The following MARF1 variants were observed in gnomAD, a reference collection of about 807,000 sequenced individuals.
MARF1 encodes limkain-b1.
In MARF1, 24 loss-of-function variants were observed where a neutral mutation model predicts 168.2. The observed-to-expected ratio is 0.14, with a 90% CI of 0.10 to 0.20. The LOEUF (loss-of-function observed/expected upper bound fraction) is 0.20, where lower values mean the gene tolerates loss of function less well. MARF1 is among the 10% of genes least tolerant of loss of function. The pLI is 1.00. For synonymous variants in MARF1, 868 were observed against 822.4 expected, an observed-to-expected ratio of 1.06 and a Z score of -0.95; for missense variants, 1,744 against 2,143.6, an observed-to-expected ratio of 0.81 and a Z score of 3.68.
In MARF1 at chr16:15,595,819, A is replaced by C. The variant is rs2031628036; in HGVS notation, c.*874T>G. On this transcript the variant is annotated 3_prime_UTR_variant, in exon 27 of 27. Transcript: ENST00000396368. ...ACCTCCCCACTCAGCTCTGATTTGT[A>C]ATTTATGCACTTGATGCATATTTTA... The C allele has an allele frequency of 6.6e-6, 1 of 152,212 alleles. No individual in the cohort carries two copies. Among genetic ancestry groups the C allele is most frequent in the Admixed American group, 6.5e-5 (1 of 15,278 alleles). 9.4% of individuals were successfully genotyped at this position (152,212 alleles called of 1,614,324 possible).
At chr16:15,599,542 A>G (rs1017197926) in intron 25 of MARF1, among the ~76,000 whole-genome samples, 3 of 152,196 alleles carry the variant, frequency 2.0e-5, no homozygotes, top group Non-Finnish European at 4.4e-5. Flanking sequence ...CGCTTCATAA[A>G]ACGTCAAATG....
chr16:15,605,887 C>T (rs1250823742), intron 21 of MARF1: 1 of 152,540 alleles, frequency 6.6e-6, no homozygotes, highest in Non-Finnish European at 1.5e-5. Context: ...TCTTCCTATC[C>T]ACCTGAGTCC....
Position 15,639,096 on chromosome 16 carries a change from G to C in MARF1, c.138C>G (p.Pro46=), listed in dbSNP as rs769265657. The change falls in exon 2 of 27, where the codon CCC becomes CCG. Residue 46 remains proline (P), a synonymous_variant. Coordinates refer to ENST00000396368, the MANE Select transcript of MARF1 (RefSeq NM_014647.4). ...TAGTCTTGCATATAGTTACCGTTTG[G>C]GGACTATGTGGCAGCGTCTGCTCAG... is the stretch of plus-strand genomic sequence containing the variant. ...SRPEQTLPHS[P]QTKEYMENKK... The C allele has an allele frequency of 6.2e-7, 1 of 1,613,586 alleles. No homozygotes were observed. The highest frequency in any genetic ancestry group is 8.5e-7 in the Non-Finnish European group (1 of 1,179,826).
chr16:15,610,843 T>G (rs1229187943), intron 19 of MARF1, 132 bp downstream of exon 19: 4 of 856,580 alleles, frequency 4.7e-6, no homozygotes, highest in Admixed American at 4.6e-5. Flanking sequence ...AGAGCAGCAG[T>G]TTTCACACTG....
At chr16:15,624,210 C>T (rs1237644313) in intron 10 of MARF1, among the ~76,000 whole-genome samples, 6 of 152,128 alleles carry the variant, frequency 3.9e-5, no homozygotes, top group Non-Finnish European at 5.9e-5. Context: ...TGAGCCACCA[C>T]GCCCGGCTGA....
At chr16:15,632,173 T>C (rs2035298514) in intron 5 of MARF1, among the ~76,000 whole-genome samples, 1 of 152,192 alleles carries the variant, frequency 6.6e-6, no homozygotes, top group Admixed American at 6.5e-5. Flanking sequence ...ATTTCTTTCA[T>C]CCTCCTTTCA....
At position 15,594,930 on chromosome 16, in the gene MARF1, C is replaced by T. The variant is rs1406840627; in HGVS notation, c.*1763G>A. ...TGTTCCAGGTGACTTGTAATGATAC[C>T]TCTTACGGTTTTAAAGTCCACCACT... On this transcript the variant is annotated 3_prime_UTR_variant, in exon 27 of 27. Coordinates refer to ENST00000396368, the MANE Select transcript of MARF1 (RefSeq NM_014647.4). 1 of 152,570 alleles carries T rather than the reference C, an allele frequency of 6.6e-6. No homozygotes were observed. Among genetic ancestry groups the T allele is most frequent in the African/African-American group, 2.4e-5 (1 of 41,418 alleles). The allele number at this position is 152,570 out of a possible 1,614,324, so 9.5% of individuals were successfully genotyped here.
rs147902956 is a variant in MARF1 at position 15,626,485 on chromosome 16, G to A, written c.1525-685C>T. On this transcript the variant is annotated intron_variant, in intron 7 of 26. Coordinates refer to ENST00000396368, the MANE Select transcript of MARF1 (RefSeq NM_014647.4). ...GCAGGGTCAGTCCTGGTTGGTTTTT[G>A]CATAGGAGAATGCCTGGGAATACTA... Among the ~76,000 whole-genome samples, 13 of 152,272 alleles carry A rather than the reference G, an allele frequency of 8.5e-5. No homozygotes were observed. In the East Asian group the frequency reaches 2.1e-3, roughly 25 times the overall value.
intron 13 of MARF1, among the ~76,000 whole-genome samples, chr16:15,618,378 G>A (rs1271861170): frequency 2.6e-5 from 4 of 152,222 alleles, no homozygotes; most frequent in South Asian, 2.1e-4. Flanking sequence ...TCTCAGTCTC[G>A]TACTCTACCC....
intron 16 of MARF1, among the ~76,000 whole-genome samples, chr16:15,615,314 A>G (rs925866827): frequency 1.3e-5 from 2 of 152,022 alleles, no homozygotes; most frequent in African/African-American, 4.8e-5. Context: ...TGGACAACAC[A>G]GCAAGGCCCT....
rs761767509 is a variant in MARF1 at position 15,604,160 on chromosome 16, G to A, written c.4413+8C>T. 1.0e-5 allele frequency: 16 copies of A among 1,590,668 alleles called. No individual in the cohort carries two copies. Among genetic ancestry groups the A allele is most frequent in the East Asian group, 6.7e-5 (3 of 44,764 alleles). Reference sequence around the variant, plus strand: ...ATGATAGTTCTAAAGAGCCATTAACGTGCCTACCTCAACCAAGTATGGCAG... The same window carrying A: ...ATGATAGTTCTAAAGAGCCATTAACATGCCTACCTCAACCAAGTATGGCAG... On this transcript the variant is annotated splice_region_variant and intron_variant, in intron 22 of 26. Coordinates refer to ENST00000396368, the MANE Select transcript of MARF1 (RefSeq NM_014647.4).
At chr16:15,637,419 A>G (rs757727858) in intron 2 of MARF1, among the ~76,000 whole-genome samples, 9 of 152,256 alleles carry the variant, frequency 5.9e-5, no homozygotes, top group Non-Finnish European at 1.3e-4. Context: ...ACCTGGGAGC[A>G]TAGGCTCATC....
intron 26 of MARF1, among the ~76,000 whole-genome samples, chr16:15,597,311 G>C (rs907785241): frequency 2.0e-5 from 3 of 152,250 alleles, no homozygotes; most frequent in Admixed American, 1.3e-4. Flanking sequence ...TGAGGCGGGA[G>C]GCCGTGGGTG....
rs1213883721 is a variant in MARF1, at chr16:15,615,887, G to C, written c.3196C>G (p.Gln1066Glu). The C allele has an allele frequency of 1.2e-6, 2 of 1,601,930 alleles. No homozygotes were observed. Among genetic ancestry groups the C allele is most frequent in the African/African-American group, 1.3e-5 (1 of 74,412 alleles). The change falls in exon 16 of 27, where the codon CAG becomes GAG. Residue 1066 changes from glutamine (Q) to glutamate (E), a missense_variant. Around this residue, in one of 7 missense-constraint regions of MARF1, gnomAD observed 543 missense variants for 742.1 expected, o/e 0.73. Coordinates refer to ENST00000396368, the MANE Select transcript of MARF1 (RefSeq NM_014647.4). ...CATTTAACCACTTTGATGCCATTCTGAGCAGTGGCAATGTTTACACCTGGA... is the reference window on the plus strand; with the variant it reads ...CATTTAACCACTTTGATGCCATTCTCAGCAGTGGCAATGTTTACACCTGGA... ...CVPGVNIATA[Q>E]NGIKVVKWIH... is the part of the protein sequence containing the mutation.
intron 21 of MARF1, among the ~76,000 whole-genome samples, chr16:15,605,317 T>C (rs994099143): frequency 6.6e-6 from 1 of 152,162 alleles, no homozygotes; most frequent in Non-Finnish European, 1.5e-5. Flanking sequence ...TGGCACTCTT[T>C]GGACCGTGGA....
intron 18 of MARF1, 119 bp downstream of exon 18, chr16:15,611,473 C>T (rs80046597): frequency 2.1e-6 from 1 of 481,106 alleles, no homozygotes; most frequent in Non-Finnish European, 3.4e-6. Flanking sequence ...AAACAAAAAA[C>T]TACTACAAGT....
chr16:15,602,435 C>T (rs59129560), intron 22 of MARF1: 429 of 603,936 alleles, frequency 7.1e-4, no homozygotes, highest in African/African-American at 6.5e-3. Flanking sequence ...ACAAAGACGA[C>T]GAGACAAAAA....
Position 15,609,730 on chromosome 16 carries a change from TA to T in MARF1, c.3752-6del, listed in dbSNP as rs575351525. On this transcript the variant is annotated splice_polypyrimidine_tract_variant and splice_region_variant and intron_variant, in intron 19 of 26. Transcript: ENST00000396368. ...CTATTTCATCCTGAGTGCGTTCTTTTAAAAAAACCAAAAAACATAAAATCAC... is the reference window on the plus strand; with the variant it reads ...CTATTTCATCCTGAGTGCGTTCTTTTAAAAAACCAAAAAACATAAAATCAC... 155 of 1,611,156 alleles carry T rather than the reference TA, an allele frequency of 9.6e-5. No individual in the cohort carries two copies. In the African/African-American group the frequency reaches 1.9e-3, roughly 20 times the overall value.
intron 21 of MARF1, among the ~76,000 whole-genome samples, chr16:15,607,836 A>G (rs930646057): frequency 2.0e-5 from 3 of 152,170 alleles, no homozygotes; most frequent in Non-Finnish European, 4.4e-5. Flanking sequence ...CCAGTGACAA[A>G]GGCCACTCTG....
Sources: gnomAD v4.1 joint callset for allele counts (sites outside exome capture counted in the v4.1 genomes callset) on GRCh38, gnomAD v4.1.1 for gene constraint, gnomAD v4.1.1 regional missense constraint, MANE v1.5 for transcripts, NCBI Gene and HGNC (gene_info 2026-07-23, HGNC 2026-07-21) for gene names.